Variants in FBXL7 observed in about 807,000 individuals in gnomAD.
FBXL7 encodes F-box/LRR-repeat protein 7.
In FBXL7, 12 loss-of-function variants were observed where a neutral mutation model predicts 38.3. The ratio of observed to expected loss-of-function variants is 0.31; its 90% CI spans 0.20 to 0.51. FBXL7 has a LOEUF of 0.51. Ranked by LOEUF, FBXL7 falls within the 20% of genes least tolerant of loss-of-function variation. FBXL7 has a pLI of 0.98. For synonymous variants in FBXL7, 297 were observed against 300.9 expected, an observed-to-expected ratio of 0.99 and a Z score of 0.13; for missense variants, 567 against 676.4, an observed-to-expected ratio of 0.84 and a Z score of 1.79.
Position 15,936,415 on chromosome 5 carries a change from G to T in FBXL7, c.740-35G>T, listed in dbSNP as rs374393167. On this transcript the variant is annotated intron_variant, in intron 3 of 3. Transcript: ENST00000504595. The surrounding 1 kb of genome is among the most constrained non-coding windows in gnomAD (Gnocchi z 6.0). ...CCAGGCGTGGCTCCCCTGCTGGCAGGTTGCTCTGAGCCTGTGTTCTGTCTC... is the reference window on the plus strand; with the variant it reads ...CCAGGCGTGGCTCCCCTGCTGGCAGTTTGCTCTGAGCCTGTGTTCTGTCTC... 2.4e-5 allele frequency: 38 copies of T among 1,590,068 alleles called. No individual in the cohort carries two copies. The highest frequency in any genetic ancestry group is 3.2e-5 in the Non-Finnish European group (37 of 1,167,144).
At chr5:15,729,760 A>G (rs767230425) in intron 2 of FBXL7, among the ~76,000 whole-genome samples, 5 of 152,178 alleles carry the variant, frequency 3.3e-5, no homozygotes, top group Non-Finnish European at 7.4e-5. Flanking sequence ...CATCATAACT[A>G]CTTTTTAGTG....
intron 2 of FBXL7, among the ~76,000 whole-genome samples, chr5:15,629,004 A>G (rs930286129): frequency 1.3e-4 from 20 of 152,152 alleles, no homozygotes; most frequent in African/African-American, 4.6e-4. Context: ...TGGACCAAGC[A>G]TGGTGGCTCA....
intron 1 of FBXL7, among the ~76,000 whole-genome samples, chr5:15,585,106 A>G (rs1158784211): frequency 6.6e-6 from 1 of 152,232 alleles, no homozygotes; most frequent in African/African-American, 2.4e-5. Context: ...TCCTTAACTT[A>G]AAATGCAGAT....
At chr5:15,740,082 TG>T (rs1735856118) in intron 2 of FBXL7, among the ~76,000 whole-genome samples, 1 of 152,200 alleles carries the variant, frequency 6.6e-6, no homozygotes, top group African/African-American at 2.4e-5. Context: ...GCCATCTTAG[TG>T]GGTGTAAAGT....
chr5:15,894,066 C>T lies in FBXL7; in HGVS notation c.128-33824C>T, dbSNP rs146729713. On this transcript the variant is annotated intron_variant, in intron 2 of 3. Transcript: ENST00000504595. Reference sequence around the variant, plus strand: ...ACTTTGGGAGGCCAAGGCGGGCGGTCGGGAGTTCAAGACCAGCCTGACCAA... The same window carrying T: ...ACTTTGGGAGGCCAAGGCGGGCGGTTGGGAGTTCAAGACCAGCCTGACCAA... 5.9e-5 allele frequency among the ~76,000 whole-genome samples: 9 copies of T among 152,296 alleles called. No homozygotes were observed. In the East Asian group the frequency reaches 9.7e-4, roughly 16 times the overall value.
chr5:15,867,425 A>G (rs1033107416), intron 2 of FBXL7, among the ~76,000 whole-genome samples: 10 of 152,186 alleles, frequency 6.6e-5, no homozygotes, highest in African/African-American at 2.4e-4. Flanking sequence ...TCCCATAAAT[A>G]ACATCTATCA....
chr5:15,933,086 A>G (rs1742083621), intron 3 of FBXL7, among the ~76,000 whole-genome samples: 1 of 152,162 alleles, frequency 6.6e-6, no homozygotes, highest in Admixed American at 6.6e-5. Flanking sequence ...CCATGTCTAT[A>G]ATGTTTGAAT....
chr5:15,668,563 T>A (rs1486344048), intron 2 of FBXL7, among the ~76,000 whole-genome samples: 1 of 152,170 alleles, frequency 6.6e-6, no homozygotes, highest in Non-Finnish European at 1.5e-5. Flanking sequence ...CCATTTTTCC[T>A]TATTCTCCTC....
intron 1 of FBXL7, chr5:15,580,585 T>C (rs1739106238): frequency 1.0e-6 from 1 of 976,144 alleles, no homozygotes; most frequent in Non-Finnish European, 1.2e-6. Context: ...AAACAAATCT[T>C]GCACTATTTG....
At chr5:15,695,406 C>T (rs576553354) in intron 2 of FBXL7, among the ~76,000 whole-genome samples, 42 of 152,086 alleles carry the variant, frequency 2.8e-4, no homozygotes, top group Non-Finnish European at 3.8e-4. Context: ...TCACTGCTTG[C>T]TCTGTGACAA....
chr5:15,687,149 AC>A (rs1579378058), intron 2 of FBXL7, among the ~76,000 whole-genome samples: 1 of 152,348 alleles, frequency 6.6e-6, no homozygotes, highest in East Asian at 1.9e-4. Context: ...GGAAATCACA[AC>A]TCCAAGCCTT....
chr5:15,832,712 G>A (rs1738489721), intron 2 of FBXL7, among the ~76,000 whole-genome samples: 2 of 152,132 alleles, frequency 1.3e-5, no homozygotes, highest in South Asian at 4.1e-4. Flanking sequence ...ATCTCAGAGG[G>A]CTTCATTCTG....
At chr5:15,880,918 T>A (rs1295112631) in intron 2 of FBXL7, among the ~76,000 whole-genome samples, 1 of 151,826 alleles carries the variant, frequency 6.6e-6, no homozygotes, top group Non-Finnish European at 1.5e-5. Flanking sequence ...TATTATTCTA[T>A]GATTCTAGTA....
chr5:15,692,124 G>A (rs927071918), intron 2 of FBXL7, among the ~76,000 whole-genome samples: 5 of 152,132 alleles, frequency 3.3e-5, no homozygotes, highest in South Asian at 2.1e-4. Flanking sequence ...AGGCTGCCTC[G>A]ATTGGAATCC....
chr5:15,529,358 A>G (rs2126388228), intron 1 of FBXL7, among the ~76,000 whole-genome samples: 2 of 152,128 alleles, frequency 1.3e-5, no homozygotes, highest in East Asian at 3.9e-4. Context: ...GGCTATTGTG[A>G]ATAATGAAAG....
At chr5:15,565,420 G>A (rs1433791829) in intron 1 of FBXL7, among the ~76,000 whole-genome samples, 1 of 151,944 alleles carries the variant, frequency 6.6e-6, no homozygotes, top group East Asian at 1.9e-4. Flanking sequence ...TCTAGGTCAT[G>A]TTGTATTAGT....
At chr5:15,859,157 T>G (rs1467626615) in intron 2 of FBXL7, among the ~76,000 whole-genome samples, 1 of 152,114 alleles carries the variant, frequency 6.6e-6, no homozygotes, top group African/African-American at 2.4e-5. Flanking sequence ...GTGGAGCTTT[T>G]GAGGAGCCCC....
chr5:15,850,409 T>C (rs1739057235), intron 2 of FBXL7, among the ~76,000 whole-genome samples: 1 of 152,194 alleles, frequency 6.6e-6, no homozygotes, highest in Non-Finnish European at 1.5e-5. Flanking sequence ...TATGGTCCCT[T>C]TGAACCACAG....
chr5:15,575,161 TG>T (rs1349048535), intron 1 of FBXL7, among the ~76,000 whole-genome samples: 1 of 151,958 alleles, frequency 6.6e-6, no homozygotes, highest in Non-Finnish European at 1.5e-5. Flanking sequence ...ATGTTACAGC[TG>T]GGAGTCCCTG....
Sources: gnomAD v4.1 joint callset for allele counts (sites outside exome capture counted in the v4.1 genomes callset) on GRCh38, gnomAD v4.1.1 for gene constraint, Gnocchi (gnomAD v3.1) non-coding constraint, MANE v1.5 for transcripts, NCBI Gene and HGNC (gene_info 2026-07-23, HGNC 2026-07-21) for gene names.